CADM2: variants seen among roughly 807,000 people sequenced by gnomAD.
CADM2 encodes cell adhesion molecule 2, also known as immunoglobulin superfamily member 4D.
Under a neutral mutation model 49.8 loss-of-function variants are expected in CADM2, and 12 were observed. The ratio of observed to expected loss-of-function variants is 0.24; its 90% confidence interval spans 0.15 to 0.39. The LOEUF is 0.39. Among genes scored for constraint, CADM2 ranks in the 10% least tolerant of loss-of-function variants. The pLI is 1.00. For synonymous variants in CADM2, 214 were observed against 175.4 expected (o/e 1.22, Z -1.74); for missense variants, 378 against 492.3 (o/e 0.77, Z 2.20).
chr3:85,783,579 G>A (rs980830174), intron 2 of CADM2, among the ~76,000 whole-genome samples: 2 of 152,122 alleles, frequency 1.3e-5, no homozygotes, highest in Non-Finnish European at 2.9e-5. Flanking sequence ...TATTTCCTGT[G>A]TCCTGGAGCT....
At chr3:85,524,800 C>T (rs931157821) in intron 1 of CADM2, among the ~76,000 whole-genome samples, 2 of 152,066 alleles carry the variant, frequency 1.3e-5, no homozygotes, top group African/African-American at 4.8e-5. Context: ...TGTATTTGAG[C>T]TTACACTCAA....
chr3:85,539,112 T>C (rs2061485202), intron 1 of CADM2, among the ~76,000 whole-genome samples: 1 of 149,400 alleles, frequency 6.7e-6, no homozygotes, highest in Non-Finnish European at 1.5e-5. Context: ...TTAAAGATAA[T>C]TTAAATGACA....
chr3:85,643,556 T>A (rs1366023279), intron 1 of CADM2, among the ~76,000 whole-genome samples: 1 of 152,116 alleles, frequency 6.6e-6, no homozygotes, highest in Non-Finnish European at 1.5e-5. Flanking sequence ...GAAATTACAG[T>A]TTATTCAGTT....
At chr3:85,207,118 C>G (rs1394662894) in intron 1 of CADM2, among the ~76,000 whole-genome samples, 2 of 150,762 alleles carry the variant, frequency 1.3e-5, no homozygotes, top group African/African-American at 4.9e-5. Flanking sequence ...CATGTTATTT[C>G]AAAATTTAGA....
At chr3:85,628,544 T>C (rs1401879355) in intron 1 of CADM2, among the ~76,000 whole-genome samples, 2 of 36,700 alleles carry the variant, frequency 5.4e-5, no homozygotes, top group Non-Finnish European at 1.0e-4. Context: ...TATATACACA[T>C]ATATATACAC....
intron 8 of CADM2, among the ~76,000 whole-genome samples, chr3:85,999,182 C>T (rs1729808421): frequency 6.6e-6 from 1 of 150,922 alleles, no homozygotes; most frequent in Admixed American, 6.7e-5. Context: ...TCAGAGAGGC[C>T]AAGTGTGATA....
intron 1 of CADM2, among the ~76,000 whole-genome samples, chr3:85,693,894 TAAAAAAA>T (rs533492777): frequency 1.3e-5 from 1 of 76,500 alleles, no homozygotes; most frequent in Non-Finnish European, 2.7e-5. Flanking sequence ...AGACTCCCTC[TAAAAAAA>T]AAAAAAGAAA....
intron 3 of CADM2, among the ~76,000 whole-genome samples, chr3:85,816,166 T>C (rs935599627): frequency 6.6e-6 from 1 of 152,086 alleles, no homozygotes; most frequent in Non-Finnish European, 1.5e-5. Flanking sequence ...CAGACTTTTA[T>C]AGAGTGATGC....
intron 3 of CADM2, among the ~76,000 whole-genome samples, chr3:85,805,961 G>T (rs7612504): frequency 0.054 from 8,258 of 152,200 alleles, 642 homozygotes; most frequent in African/African-American, 0.17. Flanking sequence ...TAGCTACACA[G>T]TAAAATCACT....
chr3:85,378,227 CCAG>C (rs1378260750), intron 1 of CADM2, among the ~76,000 whole-genome samples: 3 of 151,982 alleles, frequency 2.0e-5, no homozygotes, highest in Non-Finnish European at 2.9e-5. Context: ...CTTACTTGGA[CCAG>C]GTCTCTGTCT....
intron 1 of CADM2, among the ~76,000 whole-genome samples, chr3:84,973,888 G>A (rs1049664516): frequency 1.3e-5 from 2 of 152,038 alleles, no homozygotes; most frequent in African/African-American, 4.8e-5. Context: ...GTTAAATGTT[G>A]TTCCTTAAAC....
At chr3:85,303,076 T>C (rs952758269) in intron 1 of CADM2, among the ~76,000 whole-genome samples, 1 of 151,974 alleles carries the variant, frequency 6.6e-6, no homozygotes, top group Admixed American at 6.6e-5. Context: ...TCTTATTCAT[T>C]TATGTTTGGA....
At chr3:85,221,913 A>G (rs1288525297) in intron 1 of CADM2, among the ~76,000 whole-genome samples, 1 of 152,152 alleles carries the variant, frequency 6.6e-6, no homozygotes, top group Non-Finnish European at 1.5e-5. Flanking sequence ...TGAAATGATA[A>G]AGAAAGCAAA....
At chr3:85,509,864 A>C (rs974728778) in intron 1 of CADM2, among the ~76,000 whole-genome samples, 10 of 152,098 alleles carry the variant, frequency 6.6e-5, no homozygotes, top group African/African-American at 2.4e-4. Context: ...CACTCCAATA[A>C]ATATATATAG....
At chr3:85,105,674 G>A (rs1021261860) in intron 1 of CADM2, among the ~76,000 whole-genome samples, 7 of 152,144 alleles carry the variant, frequency 4.6e-5, no homozygotes, top group Admixed American at 3.9e-4. Flanking sequence ...ATTCACAATA[G>A]CAAAGACTTG....
chr3:85,040,035 C>T (rs1235826604), intron 1 of CADM2, among the ~76,000 whole-genome samples: 1 of 152,134 alleles, frequency 6.6e-6, no homozygotes, highest in Non-Finnish European at 1.5e-5. Flanking sequence ...GGTAAAATTC[C>T]ATGAGTTTTC....
chr3:85,744,555 A>C (rs2068531926), intron 2 of CADM2, among the ~76,000 whole-genome samples: 1 of 152,096 alleles, frequency 6.6e-6, no homozygotes, highest in Non-Finnish European at 1.5e-5. Flanking sequence ...ATAAATAAGT[A>C]AATGAAATAC....
At chr3:85,102,105 G>C (rs2038036658) in intron 1 of CADM2, among the ~76,000 whole-genome samples, 1 of 152,286 alleles carries the variant, frequency 6.6e-6, no homozygotes, top group African/African-American at 2.4e-5. Context: ...TATGTAGCCT[G>C]TTCTGCTTCC....
At chr3:85,744,971 T>C (rs890283443) in intron 2 of CADM2, among the ~76,000 whole-genome samples, 2 of 152,198 alleles carry the variant, frequency 1.3e-5, no homozygotes, top group Non-Finnish European at 2.9e-5. Context: ...AAGATGTTAT[T>C]GTAATACTAT....
Sources: gnomAD v4.1 joint callset for allele counts (sites outside exome capture counted in the v4.1 genomes callset) on GRCh38, gnomAD v4.1.1 for gene constraint, MANE v1.5 for transcripts, NCBI Gene and HGNC (gene_info 2026-07-23, HGNC 2026-07-21) for gene names.